AKT3: variants seen among roughly 807,000 people sequenced by gnomAD.
AKT3 encodes the protein AKT serine/threonine kinase 3, also known as RAC-gamma serine/threonine-protein kinase.
Under a neutral mutation model 65.3 loss-of-function variants are expected in AKT3, and 15 were observed. The ratio of observed to expected loss-of-function variants is 0.23; its 90% CI spans 0.15 to 0.35. AKT3 has a LOEUF of 0.35. Among genes scored for constraint, AKT3 ranks in the 10% least tolerant of loss-of-function variants. The pLI, the probability that AKT3 is intolerant of heterozygous loss-of-function variation, is 1.00. For missense variants in AKT3, 243 were observed against 576.5 expected (o/e 0.42, Z 5.92); for synonymous variants, 206 against 183.8 (o/e 1.12, Z -0.98).
intron 2 of AKT3, among the ~76,000 whole-genome samples, chr1:243,764,390 C>T (rs1374480415): frequency 6.6e-6 from 1 of 152,016 alleles, no homozygotes; most frequent in African/African-American, 2.4e-5. Flanking sequence ...TCAAAAGTAA[C>T]ATTTTTTAAG....
At chr1:243,576,403 A>G (rs1348241825) in intron 8 of AKT3, among the ~76,000 whole-genome samples, 1 of 152,204 alleles carries the variant, frequency 6.6e-6, no homozygotes, top group Non-Finnish European at 1.5e-5. Context: ...AGGCAAGAGA[A>G]AAAAATAAAG....
In AKT3 at chr1:243,501,030, C is replaced by G; in HGVS notation, c.*4219G>C. On this transcript the variant is annotated 3_prime_UTR_variant, in exon 14 of 14. Coordinates refer to ENST00000673466, the MANE Select transcript of AKT3 (RefSeq NM_005465.7). ...GTCACTTTTTTTTAGCCTCCTGGAT[C>G]TGTCAACCCCAGTGGTTTTGAGAGA... The G allele has an allele frequency of 4.3e-6, 1 of 230,060 alleles. No individual in the cohort carries two copies. The highest frequency in any genetic ancestry group is 2.2e-5 in the African/African-American group (1 of 45,230). The allele number at this position is 230,060 out of a possible 1,614,324, so 14.3% of individuals were successfully genotyped here.
intron 2 of AKT3, among the ~76,000 whole-genome samples, chr1:243,725,750 T>G (rs1024344153): frequency 2.0e-4 from 30 of 152,122 alleles, no homozygotes; most frequent in African/African-American, 7.2e-4. Context: ...CCAAAAAAAA[T>G]TAGTGAAAAG....
At chr1:243,689,100 CAATT>C (rs1684522775) in intron 3 of AKT3, among the ~76,000 whole-genome samples, 1 of 152,142 alleles carries the variant, frequency 6.6e-6, no homozygotes, top group Non-Finnish European at 1.5e-5. Context: ...TTCATTTTGG[CAATT>C]AATCCTATTT....
chr1:243,699,511 A>ATATATATATATATG (rs1685301766), intron 2 of AKT3, among the ~76,000 whole-genome samples: 8 of 113,136 alleles, frequency 7.1e-5, no homozygotes, highest in African/African-American at 2.4e-4. Context: ...ATATATATAT[A>ATATATATATATATG]TAATCTTCAT....
chr1:243,597,955 T>C (rs1676740809), intron 8 of AKT3, among the ~76,000 whole-genome samples: 1 of 152,250 alleles, frequency 6.6e-6, no homozygotes, highest in Non-Finnish European at 1.5e-5. Context: ...TGAATGTACA[T>C]TATCACTTTT....
At chr1:243,550,163 A>G (rs1672947058) in intron 11 of AKT3, among the ~76,000 whole-genome samples, 1 of 152,194 alleles carries the variant, frequency 6.6e-6, no homozygotes, top group Non-Finnish European at 1.5e-5. Flanking sequence ...CTGTGAGTAT[A>G]TGTTTTGTGC....
intron 2 of AKT3, among the ~76,000 whole-genome samples, chr1:243,722,338 TTACTC>T (rs1686961725): frequency 6.6e-6 from 1 of 152,174 alleles, no homozygotes; most frequent in Non-Finnish European, 1.5e-5. Context: ...CAACCTAAAT[TTACTC>T]TATAATATAA....
At chr1:243,665,629 A>G (rs1682714103) in intron 3 of AKT3, among the ~76,000 whole-genome samples, 1 of 152,206 alleles carries the variant, frequency 6.6e-6, no homozygotes, top group Non-Finnish European at 1.5e-5. Flanking sequence ...AACTTGGACA[A>G]ATTAATTAAA....
chr1:243,570,037 T>C (rs1016370183), intron 9 of AKT3, among the ~76,000 whole-genome samples: 3 of 152,204 alleles, frequency 2.0e-5, no homozygotes, highest in Non-Finnish European at 4.4e-5. Context: ...ATGATGTGTA[T>C]TGACAAATTA....
chr1:243,534,927 A>G (rs1401201166), intron 12 of AKT3, among the ~76,000 whole-genome samples: 1 of 152,030 alleles, frequency 6.6e-6, no homozygotes, highest in Non-Finnish European at 1.5e-5. Context: ...AAAACTAGAA[A>G]AAGAGAAAAT....
downstream of AKT3, among the ~76,000 whole-genome samples, chr1:243,499,426 A>C (rs1375176795): frequency 6.6e-6 from 1 of 152,228 alleles, no homozygotes; most frequent in East Asian, 1.9e-4. Context: ...TTATGGCACA[A>C]ATCAATGTGT....
intron 2 of AKT3, among the ~76,000 whole-genome samples, chr1:243,806,932 T>C (rs1432111377): frequency 6.6e-6 from 1 of 152,158 alleles, no homozygotes; most frequent in African/African-American, 2.4e-5. Context: ...CATATGGCCA[T>C]TAAAAAGCAA....
At chr1:243,638,686 A>C (rs1439577311) in intron 5 of AKT3, among the ~76,000 whole-genome samples, 1 of 152,160 alleles carries the variant, frequency 6.6e-6, no homozygotes, top group African/African-American at 2.4e-5. Context: ...ATATCAAATA[A>C]GTATTTGGGT....
At chr1:243,513,663 A>T (rs1670161142) in intron 12 of AKT3, among the ~76,000 whole-genome samples, 1 of 152,198 alleles carries the variant, frequency 6.6e-6, no homozygotes, top group African/African-American at 2.4e-5. Context: ...TCTTCTTTTT[A>T]TAATTCTTTC....
chr1:243,622,429 A>G (rs1337743701), intron 6 of AKT3, among the ~76,000 whole-genome samples: 1 of 152,172 alleles, frequency 6.6e-6, no homozygotes, highest in East Asian at 1.9e-4. Flanking sequence ...TACATACTCT[A>G]TGGTTTATTT....
intron 2 of AKT3, among the ~76,000 whole-genome samples, chr1:243,785,250 T>G (rs76991826): frequency 2.0e-5 from 3 of 151,626 alleles, no homozygotes; most frequent in South Asian, 2.1e-4. Flanking sequence ...TTTTTTTTTT[T>G]TGTATTTTTA....
At chr1:243,574,647 A>T (rs1674808478) in intron 8 of AKT3, among the ~76,000 whole-genome samples, 1 of 152,174 alleles carries the variant, frequency 6.6e-6, no homozygotes. Context: ...TATTTTAAAA[A>T]ATTCATTCAT....
intron 12 of AKT3, among the ~76,000 whole-genome samples, chr1:243,528,457 G>T (rs1671305083): frequency 6.6e-6 from 1 of 151,972 alleles, no homozygotes; most frequent in South Asian, 2.1e-4. Context: ...GTCGTTTTTT[G>T]ATCTTCACCT....
Sources: gnomAD v4.1 joint callset for allele counts (sites outside exome capture counted in the v4.1 genomes callset) on GRCh38, gnomAD v4.1.1 for gene constraint, MANE v1.5 for transcripts, NCBI Gene and HGNC (gene_info 2026-07-23, HGNC 2026-07-21) for gene names.